The following DYNC1H1 variants were observed in gnomAD, a reference collection of about 807,000 sequenced individuals.
The protein encoded by DYNC1H1 is dynein cytoplasmic 1 heavy chain 1.
Under a neutral mutation model 527.1 loss-of-function variants are expected in DYNC1H1, and 51 were observed. That is an observed-to-expected ratio of 0.10 (90% CI 0.08 to 0.12). The LOEUF (loss-of-function observed/expected upper bound fraction) is 0.12. Among genes scored for constraint, DYNC1H1 ranks in the 10% least tolerant of loss-of-function variants. DYNC1H1 has a pLI of 1.00. For missense variants in DYNC1H1, 2,771 were observed against 5,971.8 expected (o/e 0.46, Z 17.66); for synonymous variants, 2,189 against 2,278.8 (o/e 0.96, Z 1.12).
At position 102,027,075 on chromosome 14, in the gene DYNC1H1, G is replaced by A. The variant is rs1474834328; in HGVS notation, c.8772-99G>A. On this transcript the variant is annotated intron_variant, in intron 44 of 77. Transcript: ENST00000360184. This position sits in a 1 kb window ranked among gnomAD's most constrained non-coding sequence, Gnocchi z 7.7. Reference sequence around the variant, plus strand: ...GCAAATGTTTAATATACAAGTTCAAGTTAAAACATGTCCAAAATACTGTAG... The same window carrying A: ...GCAAATGTTTAATATACAAGTTCAAATTAAAACATGTCCAAAATACTGTAG... 8 of 1,358,244 alleles carry A rather than the reference G, an allele frequency of 5.9e-6. No homozygotes were observed. The highest frequency in any genetic ancestry group is 1.4e-5 in the African/African-American group (1 of 69,740). 84.1% of individuals were successfully genotyped at this position (1,358,244 alleles called of 1,614,324 possible).
intron 23 of DYNC1H1, among the ~76,000 whole-genome samples, chr14:102,004,007 C>T (rs970513113): frequency 5.3e-5 from 8 of 151,744 alleles, no homozygotes; most frequent in Admixed American, 1.3e-4. Context: ...TTTGGGTGGC[C>T]GAGGCGGGCG....
At chr14:101,975,633 A>G (rs1449230815) in intron 1 of DYNC1H1, 79 bp from the exon 2 acceptor site, 5 of 1,329,284 alleles carry the variant, frequency 3.8e-6, no homozygotes, top group Non-Finnish European at 4.3e-6. Context: ...TAGGGAGAAA[A>G]TAGTCATTGT....
At position 102,033,192 on chromosome 14, in the gene DYNC1H1, A is replaced by C. The variant is rs2048529969; in HGVS notation, c.10197+10A>C. 2 of 1,614,226 alleles carry C rather than the reference A, an allele frequency of 1.2e-6. No individual in the cohort carries two copies. The highest frequency in any genetic ancestry group is 1.7e-6 in the Non-Finnish European group (2 of 1,180,040). On this transcript the variant is annotated intron_variant, in intron 53 of 77. Coordinates refer to ENST00000360184, the MANE Select transcript of DYNC1H1 (RefSeq NM_001376.5). The surrounding 1 kb of genome is among the most constrained non-coding windows in gnomAD (Gnocchi z 5.6). The stretch of plus-strand genomic sequence containing the variant: ...ATGGGCAATTGCACAGGTGATTAAC[A>C]CAGCCAGGAGCTCCCGTGTGAAAGG...
At position 102,028,136 on chromosome 14, in the gene DYNC1H1, C is replaced by T; in HGVS notation, c.9463C>T (p.His3155Tyr). Residue 3155 changes from histidine to tyrosine, a missense_variant, in exon 48 of 78, where the codon CAC (histidine) becomes TAC (tyrosine). By Grantham distance (83) the His-to-Tyr change is moderately conservative. Transcript: ENST00000360184. Reference protein sequence around the residue: ...NSCVFVHQTLHQANARLAKRG... With the variant: ...NSCVFVHQTLYQANARLAKRG... ...CTGTGTGTTTGTTCATCAGACTCTTCACCAGGTGGGTTCAGTTTTGAGATC... is the reference window on the plus strand; with the variant it reads ...CTGTGTGTTTGTTCATCAGACTCTTTACCAGGTGGGTTCAGTTTTGAGATC... The T allele has an allele frequency of 6.2e-7, 1 of 1,614,026 alleles. No individual in the cohort carries two copies. The highest frequency in any genetic ancestry group is 8.5e-7 in the Non-Finnish European group (1 of 1,179,894).
At chr14:102,000,224 C>T (rs1358224182) in intron 17 of DYNC1H1, 62 bp from the exon 18 acceptor site, 5 of 1,613,954 alleles carry the variant, frequency 3.1e-6, no homozygotes, top group Non-Finnish European at 4.2e-6. Context: ...CCTCAGGGCC[C>T]TGCCAGATTC....
intron 5 of DYNC1H1, among the ~76,000 whole-genome samples, chr14:101,981,915 A>G (rs2047869886): frequency 1.3e-5 from 2 of 152,238 alleles, no homozygotes; most frequent in Non-Finnish European, 2.9e-5. Flanking sequence ...TTCAAGGATA[A>G]AATTTTAGTT....
intron 48 of DYNC1H1, chr14:102,028,957 G>A (rs4906175): frequency 0.2 from 32,729 of 165,430 alleles, 4,381 homozygotes; most frequent in African/African-American, 0.38. Context: ...TGCTAACCAT[G>A]TTTTGCTAAT....
Position 102,011,776 on chromosome 14 carries a change from TA to T in DYNC1H1, c.6619-97del. ...CAGGAAAAAAAAAAAAATCCACACA[TA>T]ATGTTTCTTGCTCACTTTCACAAGA... On this transcript the variant is annotated intron_variant, in intron 32 of 77. Transcript: ENST00000360184. This position sits in a 1 kb window ranked among gnomAD's most constrained non-coding sequence, Gnocchi z 5.3. 7.7e-7 allele frequency: 1 copy of T among 1,296,078 alleles called. No individual in the cohort carries two copies. The highest frequency in any genetic ancestry group is 1.1e-6 in the Non-Finnish European group (1 of 901,842). The allele number at this position is 1,296,078 out of a possible 1,614,324, so 80.3% of individuals were successfully genotyped here. A position where few individuals can be genotyped will look rare whatever the true frequency, so the allele number is the denominator to read the frequency against.
At chr14:101,973,460 A>G (rs1382876547) in intron 1 of DYNC1H1, among the ~76,000 whole-genome samples, 1 of 152,048 alleles carries the variant, frequency 6.6e-6, no homozygotes, top group Non-Finnish European at 1.5e-5. Context: ...GCGCCTGGCC[A>G]GATAGACTAA....
At chr14:101,995,864 C>T (rs912417488) in intron 15 of DYNC1H1, among the ~76,000 whole-genome samples, 16 of 151,930 alleles carry the variant, frequency 1.1e-4, no homozygotes, top group African/African-American at 3.9e-4. Flanking sequence ...AGTTTGAGAC[C>T]AGCCTGGCCA....
At chr14:101,970,481 T>G (rs1409819059) in intron 1 of DYNC1H1, among the ~76,000 whole-genome samples, 6 of 121,636 alleles carry the variant, frequency 4.9e-5, no homozygotes, top group African/African-American at 1.1e-4. Context: ...TTGTTTTTTT[T>G]TTTTTTTTTT....
In DYNC1H1 at chr14:102,044,765, G is replaced by A; in HGVS notation, c.13006+67G>A. On this transcript the variant is annotated intron_variant, in intron 72 of 77. Transcript: ENST00000360184. This position sits in a 1 kb window ranked among gnomAD's most constrained non-coding sequence, Gnocchi z 7.1. ...AGGGTCCCCTCACGCGGGGTGGGTG[G>A]CGAGGGTCCCCACACGCAGGGTGAG... The A allele has an allele frequency of 7.0e-7, 1 of 1,429,042 alleles. No homozygotes were observed. Among genetic ancestry groups the A allele is most frequent in the East Asian group, 2.3e-5 (1 of 44,156 alleles). 88.5% of individuals were successfully genotyped at this position (1,429,042 alleles called of 1,614,324 possible). A position where few individuals can be genotyped will look rare whatever the true frequency, so the allele number is the denominator to read the frequency against.
rs868501588 is a variant in DYNC1H1 at position 102,049,228 on chromosome 14, G to A, written c.13373-212G>A. The A allele has an allele frequency of 1.4e-5, 9 of 648,422 alleles. No homozygotes were observed. The highest frequency in any genetic ancestry group is 2.1e-5 in the Non-Finnish European group (8 of 373,212). The allele number at this position is 648,422 out of a possible 1,614,324, so 40.2% of individuals were successfully genotyped here. ...ACTAATTTGACCCTAGAAACTGCAC[G>A]GTTCTGAGACATGCTCTGGACCAGC... On this transcript the variant is annotated intron_variant, in intron 74 of 77. Coordinates refer to ENST00000360184, the MANE Select transcript of DYNC1H1 (RefSeq NM_001376.5). This position sits in a 1 kb window ranked among gnomAD's most constrained non-coding sequence, Gnocchi z 5.5.
Position 102,002,716 on chromosome 14 carries a change from G to A in DYNC1H1, c.4709+13G>A. The A allele has an allele frequency of 1.2e-6, 2 of 1,614,260 alleles. No individual in the cohort carries two copies. The highest frequency in any genetic ancestry group is 1.7e-6 in the Non-Finnish European group (2 of 1,180,050). ...AGCGGTTTCAGAGGTATGGCCTCCA[G>A]CCAGAGAGCCAAATTTGCCAGCGGC... On this transcript the variant is annotated intron_variant, in intron 22 of 77. Coordinates refer to ENST00000360184, the MANE Select transcript of DYNC1H1 (RefSeq NM_001376.5). The surrounding 1 kb of genome is among the most constrained non-coding windows in gnomAD (Gnocchi z 4.4).
At position 102,047,959 on chromosome 14, in the gene DYNC1H1, C is replaced by T. The variant is rs375767483; in HGVS notation, c.13149C>T (p.Thr4383=). 3.0e-4 allele frequency: 487 copies of T among 1,613,022 alleles called. No individual in the cohort carries two copies. Among genetic ancestry groups the T allele is most frequent in the Non-Finnish European group, 3.9e-4 (455 of 1,180,014 alleles). The change falls in exon 73 of 78, where the codon ACC becomes ACT. Residue 4383 remains threonine, a synonymous_variant. Coordinates refer to ENST00000360184, the MANE Select transcript of DYNC1H1 (RefSeq NM_001376.5). ...CCTGGATGCGGACACTGCACACCAC[C>T]GCGTCCAACTGGCTGCACCTCATCC... The part of the protein sequence containing the change: ...RPAWMRTLHT[T]ASNWLHLIPQ...
rs879254327 is a variant in DYNC1H1 at position 102,047,852 on chromosome 14, A to T, written c.13042A>T (p.Met4348Leu). 1 of 1,613,198 alleles carries T rather than the reference A, an allele frequency of 6.2e-7. No homozygotes were observed. Among genetic ancestry groups the T allele is most frequent in the East Asian group, 2.2e-5 (1 of 44,868 alleles). Reference sequence around the variant, plus strand: ...GATCAGTAAAATGCTGAAGATGCAGATGTTGGAGGATGAGGACGACCTGGC... The same window carrying T: ...GATCAGTAAAATGCTGAAGATGCAGTTGTTGGAGGATGAGGACGACCTGGC... Reference protein sequence around the residue: ...DMISKMLKMQMLEDEDDLAYA... With the variant: ...DMISKMLKMQLLEDEDDLAYA... Residue 4348 changes from methionine to leucine, a missense_variant, in exon 73 of 78, where the codon ATG becomes TTG. Coordinates refer to ENST00000360184, the MANE Select transcript of DYNC1H1 (RefSeq NM_001376.5).
chr14:101,969,209 A>G (rs1294999324), intron 1 of DYNC1H1, among the ~76,000 whole-genome samples: 2 of 146,628 alleles, frequency 1.4e-5, no homozygotes, highest in Non-Finnish European at 3.0e-5. Flanking sequence ...TTTAGTAGAG[A>G]CGGGGTTTCA....
chr14:101,970,416 T>C (rs2047719615), intron 1 of DYNC1H1, among the ~76,000 whole-genome samples: 1 of 149,668 alleles, frequency 6.7e-6, no homozygotes, highest in Non-Finnish European at 1.5e-5. Context: ...CCGTGTATAA[T>C]AGTGATTGAC....
Position 102,040,595 on chromosome 14 carries a change from C to T in DYNC1H1, c.11866-3C>T. ...ATGGGTGCTTCCACTATTGTCTCCA[C>T]AGCAATTTGGCATCTGGCTGGACAG... On this transcript the variant is annotated splice_polypyrimidine_tract_variant and splice_region_variant and intron_variant, in intron 63 of 77. Transcript: ENST00000360184. 6.2e-7 allele frequency: 1 copy of T among 1,614,224 alleles called. No homozygotes were observed. Among genetic ancestry groups the T allele is most frequent in the South Asian group, 1.1e-5 (1 of 91,086 alleles).
Sources: gnomAD v4.1 joint callset for allele counts (sites outside exome capture counted in the v4.1 genomes callset) on GRCh38, gnomAD v4.1.1 for gene constraint, Gnocchi (gnomAD v3.1) non-coding constraint, MANE v1.5 for transcripts, NCBI Gene and HGNC (gene_info 2026-07-23, HGNC 2026-07-21) for gene names.